DERA: variants seen among roughly 807,000 people sequenced by gnomAD.
DERA encodes deoxyribose-phosphate aldolase.
Under a neutral mutation model 41.1 loss-of-function variants are expected in DERA, and 15 were observed. The ratio of observed to expected loss-of-function variants is 0.37; its 90% CI spans 0.24 to 0.56. The LOEUF (loss-of-function observed/expected upper bound fraction) is 0.56. Ranked by LOEUF, DERA falls within the 20% of genes least tolerant of loss-of-function variation. DERA has a pLI of 0.81. For missense variants in DERA, 396 were observed against 403.4 expected, an observed-to-expected ratio of 0.98 and a Z score of 0.16; for synonymous variants, 139 against 137.4, an observed-to-expected ratio of 1.01 and a Z score of -0.08.
rs973928039 is a variant in DERA at position 15,992,466 on chromosome 12, G to T, written c.637+10030G>T. Among the ~76,000 whole-genome samples the T allele has an allele frequency of 6.6e-6, 1 of 152,130 alleles. No homozygotes were observed. Among genetic ancestry groups the T allele is most frequent in the African/African-American group, 2.4e-5 (1 of 41,446 alleles). On this transcript the variant is annotated intron_variant, in intron 6 of 8. Transcript: ENST00000428559. This position sits in a 1 kb window ranked among gnomAD's most constrained non-coding sequence, Gnocchi z 4.3. ...ATGTGGAGATGGATCTGGAGGCAAG[G>T]AAGAACCAGGGAGAACTTTTTGCTT...
At chr12:15,997,592 C>T (rs536914405) in intron 6 of DERA, among the ~76,000 whole-genome samples, 66 of 152,192 alleles carry the variant, frequency 4.3e-4, no homozygotes, top group African/African-American at 1.5e-3. Context: ...GCAAAAGAGT[C>T]ATTGTTAGAA....
At chr12:15,964,204 C>G (rs933248438) in intron 5 of DERA, among the ~76,000 whole-genome samples, 28 of 152,192 alleles carry the variant, frequency 1.8e-4, no homozygotes, top group African/African-American at 6.5e-4. Flanking sequence ...AGGCTTTTCT[C>G]ATCAAGTCTC....
rs1948778992 is a variant in DERA, at chr12:15,988,313, A to G, written c.637+5877A>G. On this transcript the variant is annotated intron_variant, in intron 6 of 8. Transcript: ENST00000428559. This position sits in a 1 kb window ranked among gnomAD's most constrained non-coding sequence, Gnocchi z 6.0. The stretch of plus-strand genomic sequence containing the variant: ...CTGAGTTCTTGTCCTGTGTCCAGGA[A>G]GAAAGAAGTACTTGGACAACTGGAG... Among the ~76,000 whole-genome samples the G allele has an allele frequency of 1.3e-5, 2 of 152,158 alleles. No individual in the cohort carries two copies. The highest frequency in any genetic ancestry group is 4.1e-4 in the South Asian group (2 of 4,832).
At position 15,976,906 on chromosome 12, in the gene DERA, T is replaced by C. The variant is rs1592030203; in HGVS notation, c.509-5402T>C. On this transcript the variant is annotated intron_variant, in intron 5 of 8. Transcript: ENST00000428559. The surrounding 1 kb of genome is among the most constrained non-coding windows in gnomAD (Gnocchi z 4.1). The stretch of plus-strand genomic sequence containing the variant: ...GAAGTCCTGATTCAAATATATGAAC[T>C]CTACTGTAGCACCATACCCTGGTTT... Among the ~76,000 whole-genome samples, 1 of 152,154 alleles carries C rather than the reference T, an allele frequency of 6.6e-6. No individual in the cohort carries two copies. The highest frequency in any genetic ancestry group is 1.9e-4 in the East Asian group (1 of 5,184).
rs1355415688 is a variant in DERA, at chr12:16,003,266, G to A, written c.637+20830G>A. Among the ~76,000 whole-genome samples the A allele has an allele frequency of 6.6e-6, 1 of 152,050 alleles. No individual in the cohort carries two copies. Among genetic ancestry groups the A allele is most frequent in the Non-Finnish European group, 1.5e-5 (1 of 68,020 alleles). On this transcript the variant is annotated intron_variant, in intron 6 of 8. Transcript: ENST00000428559. This position sits in a 1 kb window ranked among gnomAD's most constrained non-coding sequence, Gnocchi z 4.8. The stretch of plus-strand genomic sequence containing the variant: ...CTTCACCTGGTGTTCTTTTTATAAG[G>A]ACACTAATCATATTGCAGTAGGAGC...
chr12:15,990,427 T>G lies in DERA; in HGVS notation c.637+7991T>G, dbSNP rs573572886. ...TGTGGTACGCTACTTTCCATGTTCTTTTTTGTTTTGTTTTGTTTTTAGTTT... is the reference window on the plus strand; with the variant it reads ...TGTGGTACGCTACTTTCCATGTTCTGTTTTGTTTTGTTTTGTTTTTAGTTT... On this transcript the variant is annotated intron_variant, in intron 6 of 8. Coordinates refer to ENST00000428559, the MANE Select transcript of DERA (RefSeq NM_015954.4). This position sits in a 1 kb window ranked among gnomAD's most constrained non-coding sequence, Gnocchi z 4.3. 6.6e-6 allele frequency among the ~76,000 whole-genome samples: 1 copy of G among 152,246 alleles called. No individual in the cohort carries two copies. The highest frequency in any genetic ancestry group is 2.4e-5 in the African/African-American group (1 of 41,564).
In DERA at chr12:15,973,916, T is replaced by G. The variant is rs565794366; in HGVS notation, c.509-8392T>G. Among the ~76,000 whole-genome samples, 18 of 152,254 alleles carry G rather than the reference T, an allele frequency of 1.2e-4. No individual in the cohort carries two copies. The South Asian group carries it at 3.5e-3, about 30-fold the overall frequency. The stretch of plus-strand genomic sequence containing the variant: ...AATTACAACAAACATATCAAATTAT[T>G]TTTTAACTTTTATTTTTGAATAATT... On this transcript the variant is annotated intron_variant, in intron 5 of 8. Transcript: ENST00000428559.
At chr12:16,016,052 C>T (rs530789311) in intron 6 of DERA, among the ~76,000 whole-genome samples, 2 of 152,206 alleles carry the variant, frequency 1.3e-5, no homozygotes, top group Admixed American at 6.5e-5. Flanking sequence ...TCTTTGCTCC[C>T]TTTCTCACAT....
intron 6 of DERA, among the ~76,000 whole-genome samples, chr12:16,024,776 A>G (rs1474391941): frequency 1.3e-5 from 2 of 152,184 alleles, no homozygotes; most frequent in Admixed American, 1.3e-4. Context: ...CTGCATTTAA[A>G]AAGGAAGCGC....
At chr12:15,926,778 G>T (rs1351938758) in intron 1 of DERA, among the ~76,000 whole-genome samples, 1 of 149,990 alleles carries the variant, frequency 6.7e-6, no homozygotes, top group African/African-American at 2.4e-5. Flanking sequence ...AGAGAATCCA[G>T]GTTACCAGAA....
intron 6 of DERA, among the ~76,000 whole-genome samples, chr12:16,016,338 A>G (rs1272032043): frequency 6.6e-6 from 1 of 152,172 alleles, no homozygotes; most frequent in Non-Finnish European, 1.5e-5. Flanking sequence ...GTGCAGCATT[A>G]TTTTGGAGAA....
rs1948239788 is a variant in DERA at position 15,921,038 on chromosome 12, A to G, written c.31+9624A>G. Reference sequence around the variant, plus strand: ...AGCTATTGTTTTTTTGATAAATCTTATGTCATTTTTACCTTAATCTTATTA... The same window carrying G: ...AGCTATTGTTTTTTTGATAAATCTTGTGTCATTTTTACCTTAATCTTATTA... On this transcript the variant is annotated intron_variant, in intron 1 of 8. Coordinates refer to ENST00000428559, the MANE Select transcript of DERA (RefSeq NM_015954.4). The surrounding 1 kb of genome is among the most constrained non-coding windows in gnomAD (Gnocchi z 5.3). 1.3e-5 allele frequency among the ~76,000 whole-genome samples: 2 copies of G among 152,212 alleles called. No individual in the cohort carries two copies. Among genetic ancestry groups the G allele is most frequent in the Non-Finnish European group, 1.5e-5 (1 of 68,040 alleles).
At chr12:15,947,013 A>C (rs1199310523) in intron 1 of DERA, among the ~76,000 whole-genome samples, 2 of 152,202 alleles carry the variant, frequency 1.3e-5, no homozygotes, top group African/African-American at 4.8e-5. Flanking sequence ...CAGGTTGTTC[A>C]GTTTCCATGT....
intron 6 of DERA, among the ~76,000 whole-genome samples, chr12:16,018,131 T>G (rs547232620): frequency 1.4e-4 from 21 of 152,332 alleles, no homozygotes; most frequent in Non-Finnish European, 2.4e-4. Context: ...CCGAAGCTTA[T>G]TATACAGTAG....
rs1948166326 is a variant in DERA, at chr12:15,911,825, GTAGA to G, written c.31+414_31+417del. On this transcript the variant is annotated intron_variant, in intron 1 of 8. Transcript: ENST00000428559. This position sits in a 1 kb window ranked among gnomAD's most constrained non-coding sequence, Gnocchi z 4.5. Reference sequence around the variant, plus strand: ...TTGTGTAATTTAATGCAGTATTTCCGTAGATAATTTTAACCGTAACCTTGAAGTG... The same window carrying G: ...TTGTGTAATTTAATGCAGTATTTCCGTAATTTTAACCGTAACCTTGAAGTG... The G allele has an allele frequency of 8.5e-6, 4 of 470,216 alleles. No homozygotes were observed. Among genetic ancestry groups the G allele is most frequent in the Non-Finnish European group, 4.2e-6 (1 of 237,706 alleles). The allele number at this position is 470,216 out of a possible 1,614,324, so 29.1% of individuals were successfully genotyped here. A position where few individuals can be genotyped will look rare whatever the true frequency, so the allele number is the denominator to read the frequency against.
chr12:15,923,449 C>T (rs572458647), intron 1 of DERA, among the ~76,000 whole-genome samples: 1 of 152,252 alleles, frequency 6.6e-6, no homozygotes, highest in African/African-American at 2.4e-5. Flanking sequence ...GTTCCCTGTG[C>T]TTGCAGTTCA....
chr12:15,973,813 CT>C (rs529404568), intron 5 of DERA, among the ~76,000 whole-genome samples: 20 of 151,816 alleles, frequency 1.3e-4, no homozygotes, highest in African/African-American at 4.3e-4. Context: ...TATGTAATCA[CT>C]TTTTTTTAAG....
intron 5 of DERA, among the ~76,000 whole-genome samples, chr12:15,978,858 T>C (rs575208040): frequency 9.9e-5 from 15 of 152,202 alleles, no homozygotes; most frequent in Non-Finnish European, 2.2e-4. Flanking sequence ...CTGACATTCC[T>C]TGAGCATGAA....
At position 15,989,755 on chromosome 12, in the gene DERA, A is replaced by T. The variant is rs912670197; in HGVS notation, c.637+7319A>T. Among the ~76,000 whole-genome samples, 1 of 152,246 alleles carries T rather than the reference A, an allele frequency of 6.6e-6. No individual in the cohort carries two copies. Among genetic ancestry groups the T allele is most frequent in the Non-Finnish European group, 1.5e-5 (1 of 68,050 alleles). On this transcript the variant is annotated intron_variant, in intron 6 of 8. Coordinates refer to ENST00000428559, the MANE Select transcript of DERA (RefSeq NM_015954.4). This position sits in a 1 kb window ranked among gnomAD's most constrained non-coding sequence, Gnocchi z 5.2. ...TTTTGTAGCCATTTAGATTATGGTCAAAAAGAAATTCTTTGGAGACCAGGT... is the reference window on the plus strand; with the variant it reads ...TTTTGTAGCCATTTAGATTATGGTCTAAAAGAAATTCTTTGGAGACCAGGT...
Sources: gnomAD v4.1 joint callset for allele counts (sites outside exome capture counted in the v4.1 genomes callset) on GRCh38, gnomAD v4.1.1 for gene constraint, Gnocchi (gnomAD v3.1) non-coding constraint, MANE v1.5 for transcripts, NCBI Gene and HGNC (gene_info 2026-07-23, HGNC 2026-07-21) for gene names.